RELCH: variants seen among roughly 807,000 people sequenced by gnomAD.
The protein encoded by RELCH is RAB11 binding and LisH domain, coiled-coil and HEAT repeat containing.
RELCH carries 41 observed loss-of-function variants against 150.3 expected under a neutral mutation model. The ratio of observed to expected loss-of-function variants is 0.27; its 90% CI spans 0.21 to 0.35. The LOEUF (loss-of-function observed/expected upper bound fraction) is 0.35, where lower values mean the gene tolerates loss of function less well. Ranked by LOEUF, RELCH falls within the 10% of genes least tolerant of loss-of-function variation. The pLI is 1.00. For synonymous variants in RELCH, 478 were observed against 531.8 expected (o/e 0.90, Z 1.39); for missense variants, 1,092 against 1,467.8 (o/e 0.74, Z 4.18).
At chr18:62,202,961 G>C (rs2039544403) in intron 1 of RELCH, among the ~76,000 whole-genome samples, 1 of 152,156 alleles carries the variant, frequency 6.6e-6, no homozygotes, top group Non-Finnish European at 1.5e-5. Flanking sequence ...TCCTATGCAG[G>C]TTAGAGACTT....
intron 2 of RELCH, among the ~76,000 whole-genome samples, chr18:62,217,421 G>T (rs561247622): frequency 1.1e-3 from 163 of 151,688 alleles, no homozygotes; most frequent in African/African-American, 3.8e-3. Context: ...AGTTATTAAA[G>T]GTTGGAATCA....
chr18:62,292,542 C>G (rs1331832711), intron 27 of RELCH, among the ~76,000 whole-genome samples: 1 of 152,180 alleles, frequency 6.6e-6, no homozygotes, highest in East Asian at 1.9e-4. Flanking sequence ...ATCTTCTGCT[C>G]TAACCCCATG....
In RELCH at chr18:62,275,457, C is replaced by T; in HGVS notation, c.2951C>T (p.Ala984Val). ...ACTTCAGCACTCGTGAGGTGTACTG[C>T]TGCTAGAATGTTTGAGGTATGTCAA... The part of the protein sequence containing the change: ...VHTSALVRCT[A>V]ARMFELLVKG... Residue 984 changes from alanine (A) to valine (V), a missense_variant, in exon 22 of 29, where the codon GCT becomes GTT. Around this residue, in one of 4 missense-constraint regions of RELCH, gnomAD observed 707 missense variants for 1,025.4 expected, o/e 0.69. Coordinates refer to ENST00000644646, the MANE Select transcript of RELCH (RefSeq NM_001346231.2). 6.2e-7 allele frequency: 1 copy of T among 1,604,616 alleles called. No individual in the cohort carries two copies. Among genetic ancestry groups the T allele is most frequent in the South Asian group, 1.1e-5 (1 of 90,740 alleles).
Position 62,187,494 on chromosome 18 carries a change from T to C in RELCH, c.-12T>C. 1 of 1,510,976 alleles carries C rather than the reference T, an allele frequency of 6.6e-7. No homozygotes were observed. The highest frequency in any genetic ancestry group is 8.8e-7 in the Non-Finnish European group (1 of 1,130,630). The allele number at this position is 1,510,976 out of a possible 1,614,324, so 93.6% of individuals were successfully genotyped here. On this transcript the variant is annotated 5_prime_UTR_variant, in exon 1 of 29. Coordinates refer to ENST00000644646, the MANE Select transcript of RELCH (RefSeq NM_001346231.2). ...CCAGTCAGGGAGGCGCCCACACTCC[T>C]GACAGGATAAGATGGCGGCGATGGC...
chr18:62,285,883 T>C (rs2044763702), intron 25 of RELCH: 1 of 152,226 alleles, frequency 6.6e-6, no homozygotes, highest in Non-Finnish European at 1.5e-5. Context: ...GTTAAGTGAA[T>C]TAATTAATAC....
At chr18:62,304,412 G>T (rs554536121) in intron 28 of RELCH, among the ~76,000 whole-genome samples, 1 of 152,286 alleles carries the variant, frequency 6.6e-6, no homozygotes, top group South Asian at 2.1e-4. Context: ...CACCCTTATA[G>T]ACTACATAGA....
intron 19 of RELCH, among the ~76,000 whole-genome samples, chr18:62,268,013 C>CT (rs1394704681): frequency 6.6e-6 from 1 of 151,954 alleles, no homozygotes; most frequent in Non-Finnish European, 1.5e-5. Flanking sequence ...ATGGAACTGT[C>CT]TTTTTTGCAA....
intron 20 of RELCH, 108 bp from the exon 21 acceptor site, chr18:62,273,872 G>T (rs2144845977): frequency 4.4e-6 from 3 of 687,026 alleles, no homozygotes; most frequent in East Asian, 2.7e-5. Flanking sequence ...TCCAAATTTG[G>T]ATATTTTCCC....
chr18:62,242,778 C>A (rs531472702), intron 10 of RELCH, among the ~76,000 whole-genome samples: 1 of 152,190 alleles, frequency 6.6e-6, no homozygotes, highest in South Asian at 2.1e-4. Context: ...AAGAGCAACA[C>A]AGTTGTTTTT....
Position 62,227,325 on chromosome 18 carries a change from C to A in RELCH, c.895C>A (p.Pro299Thr), listed in dbSNP as rs1447070258. The A allele has an allele frequency of 1.2e-5, 19 of 1,610,130 alleles. No individual in the cohort carries two copies. Among genetic ancestry groups the A allele is most frequent in the Non-Finnish European group, 1.5e-5 (18 of 1,177,358 alleles). ...ELWDDVGLNI[P>T]KPPDLLQLYR... ...ATGGGATGATGTAGGATTAAACATT[C>A]CAAAACCTCCAGACTTATTGCAACT... The change falls in exon 6 of 29, where the codon CCA becomes ACA. Residue 299 changes from proline (P) to threonine (T), a missense_variant. Transcript: ENST00000644646.
In RELCH at chr18:62,305,992, C is replaced by T. The variant is rs948855727; in HGVS notation, c.*458C>T. ...GAATAATGCAGACTTTTTATTGTTT[C>T]TTAACTGACTAGAAAGAGCCACCAG... is the stretch of plus-strand genomic sequence containing the variant. On this transcript the variant is annotated 3_prime_UTR_variant, in exon 29 of 29. Coordinates refer to ENST00000644646, the MANE Select transcript of RELCH (RefSeq NM_001346231.2). The surrounding 1 kb of genome is among the most constrained non-coding windows in gnomAD (Gnocchi z 4.0). 1 of 152,538 alleles carries T rather than the reference C, an allele frequency of 6.6e-6. No homozygotes were observed. The highest frequency in any genetic ancestry group is 6.6e-5 in the Admixed American group (1 of 15,256). The allele number at this position is 152,538 out of a possible 1,614,324, so 9.4% of individuals were successfully genotyped here.
chr18:62,258,449 T>C (rs1419898422), intron 14 of RELCH, 63 bp from the exon 15 acceptor site: 9 of 1,337,244 alleles, frequency 6.7e-6, no homozygotes, highest in Non-Finnish European at 9.3e-6. Context: ...TTACTTTTTA[T>C]TAAGTGTTTT....
chr18:62,208,749 A>G (rs1335997070), intron 1 of RELCH, among the ~76,000 whole-genome samples: 4 of 152,158 alleles, frequency 2.6e-5, no homozygotes, highest in Non-Finnish European at 4.4e-5. Flanking sequence ...TATGAATGAG[A>G]ATATGTGGTA....
intron 8 of RELCH, 131 bp from the exon 9 acceptor site, chr18:62,231,063 T>C (rs2041536376): frequency 1.7e-6 from 1 of 601,526 alleles, no homozygotes; most frequent in African/African-American, 1.9e-5. Flanking sequence ...CACTGGTGGC[T>C]CAGAAATCTG....
intron 14 of RELCH, 132 bp downstream of exon 14, chr18:62,258,220 G>C: frequency 1.2e-6 from 1 of 852,524 alleles, no homozygotes; most frequent in Non-Finnish European, 1.8e-6. Context: ...GTCATCTGGG[G>C]ATGGCTGCCT....
At chr18:62,282,015 A>T (rs2044542029) in intron 24 of RELCH, among the ~76,000 whole-genome samples, 1 of 152,222 alleles carries the variant, frequency 6.6e-6, no homozygotes, top group African/African-American at 2.4e-5. Flanking sequence ...TCATAAAGTT[A>T]CCTACTTTTC....
chr18:62,190,500 C>A (rs1288097523), intron 1 of RELCH, among the ~76,000 whole-genome samples: 1 of 152,068 alleles, frequency 6.6e-6, no homozygotes, highest in Non-Finnish European at 1.5e-5. Context: ...TTGCTTGAAC[C>A]CAGGAGGCAG....
chr18:62,220,901 TA>T, intron 2 of RELCH, 135 bp from the exon 3 acceptor site: 1 of 753,886 alleles, frequency 1.3e-6, no homozygotes, highest in Non-Finnish European at 2.3e-6. Flanking sequence ...ACAAGTTTCA[TA>T]AAGATTGCAT....
intron 28 of RELCH, among the ~76,000 whole-genome samples, chr18:62,299,218 G>A (rs1266536822): frequency 6.6e-6 from 1 of 152,166 alleles, no homozygotes; most frequent in Non-Finnish European, 1.5e-5. Flanking sequence ...GTTGTAAGAT[G>A]AACAACGTAC....
Sources: allele counts gnomAD v4.1 joint callset (sites outside exome capture counted in the v4.1 genomes callset), GRCh38; gene constraint gnomAD v4.1.1; regional missense constraint gnomAD v4.1.1; non-coding constraint Gnocchi (gnomAD v3.1); transcripts MANE v1.5; gene names NCBI Gene and HGNC (gene_info 2026-07-23, HGNC 2026-07-21).